Variants in GMDS observed in about 807,000 individuals in gnomAD.
GMDS encodes GDP-mannose 4,6-dehydratase, also known as GDP-mannose 4,6 dehydratase.
A neutral mutation model predicts 49.9 loss-of-function variants in GMDS; 20 were observed. The ratio of observed to expected loss-of-function variants is 0.40; its 90% confidence interval spans 0.28 to 0.58. The LOEUF is 0.58. GMDS is among the 20% of genes least tolerant of loss of function. GMDS has a pLI of 0.42. For synonymous variants in GMDS, 177 were observed against 178.6 expected (o/e 0.99, Z 0.07); for missense variants, 362 against 481.4 (o/e 0.75, Z 2.32).
At chr6:2,051,306 C>G (rs576962845) in intron 4 of GMDS, among the ~76,000 whole-genome samples, 160 of 152,258 alleles carry the variant, frequency 1.1e-3, no homozygotes, top group Admixed American at 1.8e-3. Context: ...TTTTAAGCCA[C>G]TAGGTTTGTA....
At chr6:1,861,184 A>G (rs1224823862) in intron 7 of GMDS, among the ~76,000 whole-genome samples, 1 of 152,208 alleles carries the variant, frequency 6.6e-6, no homozygotes, top group Non-Finnish European at 1.5e-5. Flanking sequence ...ACAAGGGGAA[A>G]GCACCCTCAG....
chr6:2,065,057 A>G (rs1771462435), intron 4 of GMDS, among the ~76,000 whole-genome samples: 1 of 152,260 alleles, frequency 6.6e-6, no homozygotes, highest in South Asian at 2.1e-4. Flanking sequence ...TGGTTCTCCC[A>G]GCATGCAGCT....
intron 1 of GMDS, among the ~76,000 whole-genome samples, chr6:2,222,179 T>C (rs1480917230): frequency 1.3e-5 from 2 of 152,210 alleles, no homozygotes; most frequent in African/African-American, 4.8e-5. Context: ...ATGGAAATCA[T>C]TAGACCAGCA....
intron 1 of GMDS, among the ~76,000 whole-genome samples, chr6:2,154,158 TTTAAA>T (rs1776987032): frequency 6.6e-6 from 1 of 152,162 alleles, no homozygotes; most frequent in South Asian, 2.1e-4. Context: ...TTATTGAAAA[TTTAAA>T]TTAAAAGATT....
intron 4 of GMDS, among the ~76,000 whole-genome samples, chr6:1,977,210 G>C (rs905759733): frequency 1.3e-5 from 2 of 152,184 alleles, no homozygotes; most frequent in Admixed American, 1.3e-4. Context: ...GCTTGTGTAT[G>C]TATGAATGAT....
At chr6:1,651,098 G>C (rs1763640316) in intron 9 of GMDS, among the ~76,000 whole-genome samples, 1 of 152,190 alleles carries the variant, frequency 6.6e-6, no homozygotes, top group South Asian at 2.1e-4. Context: ...TCCTGAGTGG[G>C]TGCACCTGCC....
chr6:1,762,210 C>A (rs1387181426), intron 7 of GMDS, among the ~76,000 whole-genome samples: 1 of 152,224 alleles, frequency 6.6e-6, no homozygotes, highest in African/African-American at 2.4e-5. Flanking sequence ...TCTGCCTCCA[C>A]AAAGTTGAAG....
intron 9 of GMDS, among the ~76,000 whole-genome samples, chr6:1,702,746 C>T (rs1765586023): frequency 6.6e-6 from 1 of 152,194 alleles, no homozygotes; most frequent in Non-Finnish European, 1.5e-5. Context: ...AAGCCATCAG[C>T]ACTCAGGGTC....
At position 1,959,979 on chromosome 6, in the gene GMDS, A is replaced by C; in HGVS notation, c.539-8T>G. ...CATAGAGTTTTGCTGCCCCTGTTGGAATAATTTTTTTTAAGCAATGAAGTT... is the reference window on the plus strand; with the variant it reads ...CATAGAGTTTTGCTGCCCCTGTTGGCATAATTTTTTTTAAGCAATGAAGTT... On this transcript the variant is annotated splice_region_variant and splice_polypyrimidine_tract_variant and intron_variant, in intron 5 of 10. Coordinates refer to ENST00000380815, the MANE Select transcript of GMDS (RefSeq NM_001500.4). The C allele has an allele frequency of 6.4e-7, 1 of 1,561,964 alleles. No individual in the cohort carries two copies. The highest frequency in any genetic ancestry group is 1.4e-5 in the African/African-American group (1 of 73,518).
intron 9 of GMDS, among the ~76,000 whole-genome samples, chr6:1,655,339 C>A (rs1763839269): frequency 6.6e-6 from 1 of 152,076 alleles, no homozygotes; most frequent in Non-Finnish European, 1.5e-5. Flanking sequence ...TCTGATTATT[C>A]TTTTCTTAAA....
chr6:1,831,503 C>G (rs1297844373), intron 7 of GMDS, among the ~76,000 whole-genome samples: 2 of 152,152 alleles, frequency 1.3e-5, no homozygotes, highest in African/African-American at 4.8e-5. Context: ...GAGCACTCAT[C>G]AATGAGAATT....
chr6:2,098,343 C>T (rs890030977), intron 4 of GMDS, among the ~76,000 whole-genome samples: 28 of 152,194 alleles, frequency 1.8e-4, no homozygotes, highest in African/African-American at 6.8e-4. Flanking sequence ...CAGGCGTAAG[C>T]CACCGCGCCC....
In GMDS at chr6:1,781,865, T is replaced by C. The variant is rs558063979; in HGVS notation, c.772-39279A>G. ...AATCCTCTCAAACCAACTTTTTTTT[T>C]TTTTTGGCAAAAACTGATTTTTAGA... On this transcript the variant is annotated intron_variant, in intron 7 of 10. Coordinates refer to ENST00000380815, the MANE Select transcript of GMDS (RefSeq NM_001500.4). Among the ~76,000 whole-genome samples the C allele has an allele frequency of 4.6e-5, 7 of 152,182 alleles. No homozygotes were observed. In the East Asian group the frequency reaches 9.7e-4, roughly 21 times the overall value.
At chr6:1,921,995 T>C (rs1011116691) in intron 7 of GMDS, among the ~76,000 whole-genome samples, 7 of 152,212 alleles carry the variant, frequency 4.6e-5, no homozygotes, top group African/African-American at 1.7e-4. Flanking sequence ...CACTGACATA[T>C]TTCCCTTCCA....
chr6:1,887,233 C>T (rs1031007618), intron 7 of GMDS, among the ~76,000 whole-genome samples: 2 of 151,894 alleles, frequency 1.3e-5, no homozygotes, highest in African/African-American at 2.4e-5. Flanking sequence ...GAGATGACAA[C>T]GCATACTTGG....
intron 4 of GMDS, among the ~76,000 whole-genome samples, chr6:1,999,148 C>T (rs1358279791): frequency 6.6e-6 from 1 of 151,744 alleles, no homozygotes; most frequent in African/African-American, 2.4e-5. Context: ...ATGGTGAAAC[C>T]CCGTCTCTAC....
At chr6:1,710,708 C>T (rs62388329) in intron 9 of GMDS, among the ~76,000 whole-genome samples, 38,647 of 152,062 alleles carry the variant, frequency 0.25, 5,628 homozygotes, top group African/African-American at 0.4. Context: ...AATTTAACTT[C>T]AATCGGTAAA....
At chr6:1,628,512 A>G (rs955495275) in intron 9 of GMDS, among the ~76,000 whole-genome samples, 7 of 152,242 alleles carry the variant, frequency 4.6e-5, no homozygotes, top group Non-Finnish European at 1.0e-4. Flanking sequence ...TGAGGTTCAC[A>G]GTCTCATTTC....
At chr6:2,193,228 T>G (rs1779126432) in intron 1 of GMDS, among the ~76,000 whole-genome samples, 1 of 152,242 alleles carries the variant, frequency 6.6e-6, no homozygotes. Context: ...AAAAACCTGT[T>G]TATAATTGTC....
Sources: allele counts gnomAD v4.1 joint callset (sites outside exome capture counted in the v4.1 genomes callset), GRCh38; gene constraint gnomAD v4.1.1; transcripts MANE v1.5; gene names NCBI Gene and HGNC (gene_info 2026-07-23, HGNC 2026-07-21).